MGMT: variants seen among roughly 807,000 people sequenced by gnomAD.
The protein encoded by MGMT is methylated-DNA--protein-cysteine methyltransferase.
Under a neutral mutation model 15.9 loss-of-function variants are expected in MGMT, and 14 were observed. That is an observed-to-expected ratio of 0.88 (90% confidence interval 0.58 to 1.37). MGMT has a LOEUF of 1.37. MGMT is among the 40% of genes most tolerant of loss of function. The pLI, the probability that MGMT is intolerant of heterozygous loss-of-function variation, is 0.00. For missense variants in MGMT, 282 were observed against 268.1 expected (o/e 1.05, Z -0.36); for synonymous variants, 130 against 118.2 (o/e 1.10, Z -0.65).
intron 1 of MGMT, among the ~76,000 whole-genome samples, chr10:129,523,436 T>C (rs768049644): frequency 1.3e-5 from 2 of 152,174 alleles, no homozygotes; most frequent in Non-Finnish European, 2.9e-5. Flanking sequence ...TGATGAAGGC[T>C]CAAGTGTAGT....
chr10:129,475,729 G>A (rs1048979894), intron 1 of MGMT, among the ~76,000 whole-genome samples: 6 of 152,214 alleles, frequency 3.9e-5, no homozygotes, highest in African/African-American at 1.4e-4. Flanking sequence ...TGGGAAGGGA[G>A]GGGCTTCCCA....
intron 2 of MGMT, among the ~76,000 whole-genome samples, chr10:129,554,047 G>A (rs931661137): frequency 2.0e-5 from 3 of 152,250 alleles, no homozygotes; most frequent in African/African-American, 7.2e-5. Flanking sequence ...ATGTGACCAT[G>A]AGGGCGTGGG....
intron 1 of MGMT, among the ~76,000 whole-genome samples, chr10:129,485,183 G>C (rs528634092): frequency 5.3e-5 from 8 of 152,156 alleles, no homozygotes; most frequent in Non-Finnish European, 1.2e-4. Context: ...CAGTGTCTCA[G>C]TAGTTAGGCA....
rs76874991 is a variant in MGMT at position 129,744,138 on chromosome 10, T to C, written c.275-15064T>C. Among the ~76,000 whole-genome samples the C allele has an allele frequency of 3.7e-3, 560 of 152,328 alleles. 2 individuals carry two copies. Among genetic ancestry groups the C allele is most frequent in the African/African-American group, 0.012 (494 of 41,578 alleles). On this transcript the variant is annotated intron_variant, in intron 3 of 4. Transcript: ENST00000651593. ...AAAACCAGGCAGTGGTGGTGTCCTG[T>C]CCTTCTAGAGGCCAGGTTGTCCAGG...
intron 2 of MGMT, among the ~76,000 whole-genome samples, chr10:129,616,814 T>A (rs1847032704): frequency 6.6e-6 from 1 of 152,128 alleles, no homozygotes; most frequent in African/African-American, 2.4e-5. Context: ...TACTTGCAGA[T>A]AGCGGTGAGG....
At chr10:129,745,973 A>G (rs1003863225) in intron 3 of MGMT, among the ~76,000 whole-genome samples, 2 of 152,142 alleles carry the variant, frequency 1.3e-5, no homozygotes, top group East Asian at 1.9e-4. Context: ...GCGGAAGCTC[A>G]TGCCTGTAAT....
At chr10:129,719,743 G>T (rs1257142756) in intron 3 of MGMT, among the ~76,000 whole-genome samples, 1 of 152,150 alleles carries the variant, frequency 6.6e-6, no homozygotes, top group Non-Finnish European at 1.5e-5. Flanking sequence ...AAATGCCGAG[G>T]GTCAGGGCTG....
chr10:129,575,784 C>CT (rs1316339078), intron 2 of MGMT, among the ~76,000 whole-genome samples: 3 of 152,048 alleles, frequency 2.0e-5, no homozygotes, highest in African/African-American at 7.2e-5. Context: ...TGATAGACTG[C>CT]TAGCAAGACT....
rs867363714 is a variant in MGMT, at chr10:129,652,310, C to T, written c.126-55585C>T. ...CCCCAGCAGCCCCCGAGCGGAGACGCTGGAGTTCCAGTAGAGTGGAGGGAA... is the reference window on the plus strand; with the variant it reads ...CCCCAGCAGCCCCCGAGCGGAGACGTTGGAGTTCCAGTAGAGTGGAGGGAA... On this transcript the variant is annotated intron_variant, in intron 2 of 4. Transcript: ENST00000651593. 1.8e-4 allele frequency among the ~76,000 whole-genome samples: 27 copies of T among 152,334 alleles called. 1 individual carries two copies. The highest frequency in any genetic ancestry group is 5.5e-4 in the African/African-American group (23 of 41,590).
At chr10:129,496,181 T>C (rs1845519181) in intron 1 of MGMT, among the ~76,000 whole-genome samples, 1 of 152,200 alleles carries the variant, frequency 6.6e-6, no homozygotes, top group African/African-American at 2.4e-5. Flanking sequence ...TGAAAACTGT[T>C]TTATAAATAT....
At chr10:129,734,572 C>T (rs904027102) in intron 3 of MGMT, among the ~76,000 whole-genome samples, 3 of 151,990 alleles carry the variant, frequency 2.0e-5, no homozygotes, top group Non-Finnish European at 4.4e-5. Flanking sequence ...TGCCTGATTG[C>T]CCTGGCCAGA....
At chr10:129,618,864 T>C (rs565451156) in intron 2 of MGMT, among the ~76,000 whole-genome samples, 1 of 103,984 alleles carries the variant, frequency 9.6e-6, no homozygotes, top group South Asian at 3.9e-4. Flanking sequence ...CTGAACAAAT[T>C]TATTCTAGTT....
intron 1 of MGMT, among the ~76,000 whole-genome samples, chr10:129,487,944 T>C (rs546103962): frequency 9.1e-5 from 13 of 143,148 alleles, no homozygotes; most frequent in South Asian, 2.2e-4. Context: ...TGTATATATA[T>C]ACACACACAA....
At chr10:129,546,911 C>G (rs928045282) in intron 2 of MGMT, among the ~76,000 whole-genome samples, 6 of 152,130 alleles carry the variant, frequency 3.9e-5, no homozygotes, top group African/African-American at 1.4e-4. Flanking sequence ...CAAACTGAAT[C>G]AAATAGAACG....
chr10:129,738,716 A>G (rs371045384), intron 3 of MGMT, among the ~76,000 whole-genome samples: 15 of 152,280 alleles, frequency 9.9e-5, no homozygotes, highest in African/African-American at 3.4e-4. Context: ...GCTGAATTCT[A>G]CCAGAGGTAC....
chr10:129,501,331 G>A (rs930520171), intron 1 of MGMT, among the ~76,000 whole-genome samples: 4 of 152,124 alleles, frequency 2.6e-5, no homozygotes, highest in African/African-American at 9.7e-5. Context: ...GCCAAAGGTT[G>A]GACCTCCACA....
intron 1 of MGMT, among the ~76,000 whole-genome samples, chr10:129,509,012 C>G (rs10741191): frequency 0.56 from 84,687 of 152,022 alleles, 24,448 homozygotes; most frequent in East Asian, 0.91. Flanking sequence ...AATCAAATAA[C>G]TTGGCAGTTA....
intron 2 of MGMT, among the ~76,000 whole-genome samples, chr10:129,559,631 C>T (rs996955902): frequency 1.3e-4 from 19 of 151,920 alleles, no homozygotes; most frequent in Middle Eastern, 3.4e-3. Context: ...GTTATTAAAT[C>T]GTCACTTGGA....
At chr10:129,552,246 G>A (rs1846165412) in intron 2 of MGMT, among the ~76,000 whole-genome samples, 1 of 152,182 alleles carries the variant, frequency 6.6e-6, no homozygotes, top group Admixed American at 6.5e-5. Flanking sequence ...CCCCACATGG[G>A]AACCACTGGG....
Sources: gnomAD v4.1 joint callset for allele counts (sites outside exome capture counted in the v4.1 genomes callset) on GRCh38, gnomAD v4.1.1 for gene constraint, MANE v1.5 for transcripts, NCBI Gene and HGNC (gene_info 2026-07-23, HGNC 2026-07-21) for gene names.